OCIAD2: variants seen among roughly 807,000 people sequenced by gnomAD.
The protein encoded by OCIAD2 is OCIA domain-containing protein 2.
In OCIAD2, 29 loss-of-function variants were observed where a neutral mutation model predicts 22.9. The observed-to-expected ratio is 1.27, with a 90% CI of 0.94 to 1.73. The LOEUF (loss-of-function observed/expected upper bound fraction) is 1.73, where lower values mean the gene tolerates loss of function less well. OCIAD2 is among the 40% of genes most tolerant of loss of function. The pLI is 0.00. For synonymous variants in OCIAD2, 67 were observed against 60.2 expected, an observed-to-expected ratio of 1.11 and a Z score of -0.52; for missense variants, 189 against 180.3, an observed-to-expected ratio of 1.05 and a Z score of -0.28.
At position 48,885,323 on chromosome 4, in the gene OCIAD2, C is replaced by A; in HGVS notation, c.*161G>T. On this transcript the variant is annotated 3_prime_UTR_variant, in exon 7 of 7. Coordinates refer to ENST00000508632, the MANE Select transcript of OCIAD2 (RefSeq NM_001014446.3). The stretch of plus-strand genomic sequence containing the variant: ...TCTTAAAGAGCAGAAAAACATGTAA[C>A]GCTTAGTTCACTTGAAAGCCTTCCA... 1.8e-6 allele frequency: 1 copy of A among 567,198 alleles called. No individual in the cohort carries two copies. The highest frequency in any genetic ancestry group is 2.4e-5 in the South Asian group (1 of 41,928). 35.1% of individuals were successfully genotyped at this position (567,198 alleles called of 1,614,324 possible).
intron 4 of OCIAD2, among the ~76,000 whole-genome samples, chr4:48,896,509 C>T (rs891021240): frequency 1.3e-5 from 2 of 152,136 alleles, no homozygotes; most frequent in African/African-American, 4.8e-5. Context: ...GGGAGCGTCA[C>T]TCGAGCCCAG....
intron 1 of OCIAD2, among the ~76,000 whole-genome samples, chr4:48,905,118 C>T (rs1781498057): frequency 6.6e-6 from 1 of 152,012 alleles, no homozygotes; most frequent in Non-Finnish European, 1.5e-5. Flanking sequence ...CTAGTCCAGA[C>T]AAGGAGTTAC....
At chr4:48,892,704 TAGTG>T (rs1466650260) in intron 6 of OCIAD2, 64 bp downstream of exon 6, 2 of 779,868 alleles carry the variant, frequency 2.6e-6, no homozygotes, top group East Asian at 2.7e-5. Context: ...ATATTATAAA[TAGTG>T]AGTAATCTTT....
At chr4:48,889,073 G>A (rs144373600) in intron 6 of OCIAD2, among the ~76,000 whole-genome samples, 15 of 152,294 alleles carry the variant, frequency 9.8e-5, no homozygotes, top group Non-Finnish European at 2.2e-4. Flanking sequence ...TTGGGAGGGT[G>A]TATGTGTCCA....
At chr4:48,887,710 AC>A (rs1486706899) in intron 6 of OCIAD2, among the ~76,000 whole-genome samples, 2 of 152,172 alleles carry the variant, frequency 1.3e-5, no homozygotes, top group East Asian at 1.9e-4. Context: ...CTGTTTTGGT[AC>A]CCAGTACCAT....
At chr4:48,903,786 C>T (rs1306153437) in intron 2 of OCIAD2, among the ~76,000 whole-genome samples, 1 of 151,822 alleles carries the variant, frequency 6.6e-6, no homozygotes, top group East Asian at 1.9e-4. Context: ...GCTGGGACTA[C>T]AGGCACCAGC....
intron 6 of OCIAD2, among the ~76,000 whole-genome samples, chr4:48,889,550 A>T (rs1373793103): frequency 6.6e-6 from 1 of 151,202 alleles, no homozygotes; most frequent in African/African-American, 2.5e-5. Flanking sequence ...TCAAAACCAC[A>T]ATGAGATATC....
chr4:48,903,970 T>C (rs1467627892), intron 2 of OCIAD2, among the ~76,000 whole-genome samples: 1 of 152,050 alleles, frequency 6.6e-6, no homozygotes, highest in Admixed American at 6.6e-5. Flanking sequence ...AAATAAAATT[T>C]TAAATTTTAA....
intron 2 of OCIAD2, among the ~76,000 whole-genome samples, chr4:48,903,177 A>T (rs538868033): frequency 1.3e-5 from 2 of 152,182 alleles, no homozygotes; most frequent in Admixed American, 1.3e-4. Context: ...TCTTTTCTTC[A>T]TTGATGTATT....
Position 48,894,057 on chromosome 4 carries a change from A to T in OCIAD2, c.218-4T>A. On this transcript the variant is annotated splice_region_variant and splice_polypyrimidine_tract_variant and intron_variant, in intron 4 of 6. Transcript: ENST00000508632. ...CTAGAATTAGCTGCCAAATAACCTA[A>T]GGAGTAATAAAGAAAAACATTATTA... The T allele has an allele frequency of 2.1e-6, 3 of 1,413,734 alleles. No individual in the cohort carries two copies. The highest frequency in any genetic ancestry group is 2.9e-6 in the Non-Finnish European group (3 of 1,051,246). 87.6% of individuals were successfully genotyped at this position (1,413,734 alleles called of 1,614,324 possible).
In OCIAD2 at chr4:48,899,941, T is replaced by C; in HGVS notation, c.67-16A>G. The C allele has an allele frequency of 6.3e-7, 1 of 1,585,030 alleles. No homozygotes were observed. Among genetic ancestry groups the C allele is most frequent in the South Asian group, 1.1e-5 (1 of 90,060 alleles). On this transcript the variant is annotated splice_polypyrimidine_tract_variant and intron_variant, in intron 2 of 6. Transcript: ENST00000508632. ...ACAACAGGCTCTGTAAGGAAAGTTA[T>C]ATGGTGAGCTAACTGAGGTCATTGA...
chr4:48,896,999 G>A (rs1353938583), intron 4 of OCIAD2, among the ~76,000 whole-genome samples: 1 of 152,084 alleles, frequency 6.6e-6, no homozygotes, highest in Non-Finnish European at 1.5e-5. Flanking sequence ...TGGTCCTTAC[G>A]GTCTCTTGTA....
intron 4 of OCIAD2, among the ~76,000 whole-genome samples, chr4:48,896,305 C>G (rs1781300201): frequency 6.6e-6 from 1 of 151,844 alleles, no homozygotes; most frequent in Non-Finnish European, 1.5e-5. Context: ...TCCTGGTAAT[C>G]AAGGCTGGGT....
At chr4:48,902,281 G>A (rs190684912) in intron 2 of OCIAD2, among the ~76,000 whole-genome samples, 32 of 152,274 alleles carry the variant, frequency 2.1e-4, no homozygotes, top group African/African-American at 6.3e-4. Flanking sequence ...TGTAATAGAT[G>A]TCAATGTACA....
At chr4:48,900,188 G>T (rs1193413322) in intron 2 of OCIAD2, among the ~76,000 whole-genome samples, 1 of 152,204 alleles carries the variant, frequency 6.6e-6, no homozygotes. Flanking sequence ...CAGCAGATTT[G>T]CGATCAGGCT....
At chr4:48,905,734 C>T (rs560635044) in intron 1 of OCIAD2, among the ~76,000 whole-genome samples, 1 of 152,212 alleles carries the variant, frequency 6.6e-6, no homozygotes, top group Non-Finnish European at 1.5e-5. Context: ...CAAGGGGACC[C>T]GTACTCGCAC....
At chr4:48,899,106 AT>A (rs1283417902) in intron 3 of OCIAD2, among the ~76,000 whole-genome samples, 1 of 152,228 alleles carries the variant, frequency 6.6e-6, no homozygotes, top group African/African-American at 2.4e-5. Flanking sequence ...GTGACACTAA[AT>A]TTGAATGACT....
intron 3 of OCIAD2, among the ~76,000 whole-genome samples, chr4:48,898,357 T>G (rs993834551): frequency 6.6e-6 from 1 of 152,226 alleles, no homozygotes; most frequent in African/African-American, 2.4e-5. Flanking sequence ...CTTTTTTGTC[T>G]GAGCCATTTG....
intron 2 of OCIAD2, among the ~76,000 whole-genome samples, chr4:48,903,136 C>T (rs562345234): frequency 2.0e-5 from 3 of 152,314 alleles, no homozygotes; most frequent in Admixed American, 2.0e-4. Context: ...TTAGCTTGAA[C>T]ATGAACGCCA....
Sources: allele counts gnomAD v4.1 joint callset (sites outside exome capture counted in the v4.1 genomes callset), GRCh38; gene constraint gnomAD v4.1.1; transcripts MANE v1.5; gene names NCBI Gene and HGNC (gene_info 2026-07-23, HGNC 2026-07-21).